UBE2H: variants seen among roughly 807,000 people sequenced by gnomAD.
UBE2H encodes ubiquitin-conjugating enzyme E2 H.
A neutral mutation model predicts 29.0 loss-of-function variants in UBE2H; 3 were observed. That is an observed-to-expected ratio of 0.10 (90% confidence interval 0.05 to 0.27). The LOEUF (loss-of-function observed/expected upper bound fraction) is 0.27. UBE2H is among the 10% of genes least tolerant of loss of function. The pLI is 1.00. For missense variants in UBE2H, 68 were observed against 228.2 expected, an observed-to-expected ratio of 0.30 and a Z score of 4.52; for synonymous variants, 69 against 82.9, an observed-to-expected ratio of 0.83 and a Z score of 0.91.
intron 1 of UBE2H, among the ~76,000 whole-genome samples, chr7:129,896,573 T>C (rs1330397186): frequency 6.6e-6 from 1 of 151,900 alleles, no homozygotes. Context: ...ATCCGGCTCA[T>C]TTTTTATTTT....
chr7:129,868,364 A>G (rs1805955375), intron 3 of UBE2H, among the ~76,000 whole-genome samples: 1 of 152,000 alleles, frequency 6.6e-6, no homozygotes, highest in Admixed American at 6.6e-5. Context: ...GTGGATCATG[A>G]GGTCAGGAGA....
chr7:129,851,385 T>G (rs1394331051), intron 5 of UBE2H, among the ~76,000 whole-genome samples: 1 of 152,232 alleles, frequency 6.6e-6, no homozygotes, highest in Non-Finnish European at 1.5e-5. Flanking sequence ...TAATGTGTAA[T>G]TAGCTAGCTG....
rs753851134 is a variant in UBE2H, at chr7:129,891,953, C to CTTTTTTTTTT, written c.54-10992_54-10983dup. On this transcript the variant is annotated intron_variant, in intron 1 of 6. Transcript: ENST00000355621. Reference sequence around the variant, plus strand: ...AGAATACTAAAAAAACATGCTACACCTTTTTTTTTTTTTTTTTGAGACGGA... The same window carrying CTTTTTTTTTT: ...AGAATACTAAAAAAACATGCTACACCTTTTTTTTTTTTTTTTTTTTTTTTTTTGAGACGGA... 3.3e-4 allele frequency among the ~76,000 whole-genome samples: 42 copies of CTTTTTTTTTT among 127,110 alleles called. 1 individual carries two copies. The highest frequency in any genetic ancestry group is 5.4e-4 in the Non-Finnish European group (33 of 60,726). The allele number at this position is 127,110 out of a possible 152,430, so 83.4% of individuals were successfully genotyped here. A position where few individuals can be genotyped will look rare whatever the true frequency, so the allele number is the denominator to read the frequency against.
chr7:129,845,223 T>C (rs1805492390), intron 5 of UBE2H, among the ~76,000 whole-genome samples: 2 of 152,320 alleles, frequency 1.3e-5, no homozygotes, highest in African/African-American at 4.8e-5. Context: ...CAATTACCTG[T>C]GGAGTTTTTC....
chr7:129,850,230 G>C (rs903866069), intron 5 of UBE2H, among the ~76,000 whole-genome samples: 1 of 152,090 alleles, frequency 6.6e-6, no homozygotes, highest in Non-Finnish European at 1.5e-5. Context: ...AGCCTGATGT[G>C]GTGGTGCATG....
chr7:129,881,320 T>C (rs1806247531), intron 1 of UBE2H, among the ~76,000 whole-genome samples: 1 of 152,218 alleles, frequency 6.6e-6, no homozygotes, highest in African/African-American at 2.4e-5. Context: ...AGGTTAAACA[T>C]GTAAAATGTG....
chr7:129,865,071 G>A (rs1041080236), intron 3 of UBE2H: 2 of 443,816 alleles, frequency 4.5e-6, no homozygotes, highest in African/African-American at 4.0e-5. Flanking sequence ...TAATTCTGGA[G>A]AAGGAATCCA....
chr7:129,943,449 TA>T (rs1210770321), intron 1 of UBE2H, among the ~76,000 whole-genome samples: 1 of 151,850 alleles, frequency 6.6e-6, no homozygotes, highest in African/African-American at 2.4e-5. Context: ...GAGAGAAGAG[TA>T]GCTACCAAAT....
Position 129,859,016 on chromosome 7 carries a change from T to G in UBE2H, c.206-75A>C, listed in dbSNP as rs1271428954. The G allele has an allele frequency of 3.2e-6, 4 of 1,238,904 alleles. No homozygotes were observed. In the Admixed American group the frequency reaches 5.5e-5, roughly 17 times the overall value. The allele number at this position is 1,238,904 out of a possible 1,614,324, so 76.7% of individuals were successfully genotyped here. A position where few individuals can be genotyped will look rare whatever the true frequency, so the allele number is the denominator to read the frequency against. ...AAAGTATTTCAGTACTGGAAACAATTTCAGTATTGGGAAAAGGTGATAATA... is the reference window on the plus strand; with the variant it reads ...AAAGTATTTCAGTACTGGAAACAATGTCAGTATTGGGAAAAGGTGATAATA... On this transcript the variant is annotated intron_variant, in intron 3 of 6. Transcript: ENST00000355621.
intron 1 of UBE2H, among the ~76,000 whole-genome samples, chr7:129,904,254 A>G (rs1408039788): frequency 4.6e-5 from 7 of 151,266 alleles, no homozygotes; most frequent in African/African-American, 1.5e-4. Flanking sequence ...TTTGACAGAT[A>G]GCTTGCTGAT....
At chr7:129,846,591 A>G (rs1050848973) in intron 5 of UBE2H, among the ~76,000 whole-genome samples, 1 of 152,072 alleles carries the variant, frequency 6.6e-6, no homozygotes, top group Non-Finnish European at 1.5e-5. Context: ...AATGTAATAT[A>G]CACTGCTTTC....
chr7:129,920,210 T>G (rs1386161306), intron 1 of UBE2H, among the ~76,000 whole-genome samples: 2 of 152,156 alleles, frequency 1.3e-5, no homozygotes, highest in Non-Finnish European at 2.9e-5. Flanking sequence ...CTATTACATG[T>G]AAATATTTAT....
In UBE2H at chr7:129,871,447, G is replaced by A. The variant is rs1424699569; in HGVS notation, c.205+8121C>T. Among the ~76,000 whole-genome samples, 16 of 152,138 alleles carry A rather than the reference G, an allele frequency of 1.1e-4. 1 individual carries two copies. Among genetic ancestry groups the A allele is most frequent in the Admixed American group, 1.0e-3 (16 of 15,280 alleles). On this transcript the variant is annotated intron_variant, in intron 3 of 6. Transcript: ENST00000355621. ...TACTTATCATTGGCCAGGCACGTTG[G>A]CTCACGCCTGTAATCCCAGCACTTT...
intron 1 of UBE2H, among the ~76,000 whole-genome samples, chr7:129,940,789 G>A (rs1272993417): frequency 6.6e-6 from 1 of 152,178 alleles, no homozygotes; most frequent in Non-Finnish European, 1.5e-5. Context: ...GTACAGAGAA[G>A]AAATTACAAT....
At chr7:129,933,709 G>A (rs1807455149) in intron 1 of UBE2H, among the ~76,000 whole-genome samples, 1 of 152,158 alleles carries the variant, frequency 6.6e-6, no homozygotes, top group South Asian at 2.1e-4. Context: ...TTTCCATATC[G>A]TTTCAATTGC....
intron 1 of UBE2H, among the ~76,000 whole-genome samples, chr7:129,950,843 C>G (rs1213783325): frequency 1.3e-5 from 2 of 152,186 alleles, no homozygotes; most frequent in African/African-American, 4.8e-5. Flanking sequence ...GCCAACATTA[C>G]TGGTATCATT....
intron 3 of UBE2H, among the ~76,000 whole-genome samples, chr7:129,877,143 TACACAAAC>T (rs1806162271): frequency 6.6e-6 from 1 of 152,160 alleles, no homozygotes. Context: ...TACACATCCA[TACACAAAC>T]ACACAAAATA....
At chr7:129,861,586 G>A (rs9656387) in intron 3 of UBE2H, among the ~76,000 whole-genome samples, 2 of 152,044 alleles carry the variant, frequency 1.3e-5, no homozygotes, top group East Asian at 1.9e-4. Context: ...AAAAAACTCC[G>A]AAATAAAAAG....
chr7:129,919,792 C>T (rs906739547), intron 1 of UBE2H, among the ~76,000 whole-genome samples: 1 of 152,182 alleles, frequency 6.6e-6, no homozygotes, highest in African/African-American at 2.4e-5. Context: ...CTGCTTTGCA[C>T]AGGGTCTGAC....
Sources: gnomAD v4.1 joint callset for allele counts (sites outside exome capture counted in the v4.1 genomes callset) on GRCh38, gnomAD v4.1.1 for gene constraint, MANE v1.5 for transcripts, NCBI Gene and HGNC (gene_info 2026-07-23, HGNC 2026-07-21) for gene names.